The following PCDH9 variants were observed in gnomAD, a reference collection of about 807,000 sequenced individuals.
PCDH9 encodes protocadherin 9.
PCDH9 carries 24 observed loss-of-function variants against 70.6 expected under a neutral mutation model. The observed-to-expected ratio is 0.34, with a 90% confidence interval of 0.25 to 0.48. The LOEUF is 0.48. Ranked by LOEUF, PCDH9 falls within the 20% of genes least tolerant of loss-of-function variation. The pLI, the probability that PCDH9 is intolerant of heterozygous loss-of-function variation, is 0.99. For missense variants in PCDH9, 1,281 were observed against 1,503.6 expected, an observed-to-expected ratio of 0.85 and a Z score of 2.45; for synonymous variants, 562 against 558.5, an observed-to-expected ratio of 1.01 and a Z score of -0.09.
At chr13:66,305,822 G>A (rs1955455146) in intron 4 of PCDH9, among the ~76,000 whole-genome samples, 1 of 152,036 alleles carries the variant, frequency 6.6e-6, no homozygotes, top group African/African-American at 2.4e-5. Context: ...CATTCAGGGG[G>A]AAGAAAGTGA....
intron 3 of PCDH9, among the ~76,000 whole-genome samples, chr13:66,752,139 T>C (rs1403442398): frequency 6.6e-6 from 1 of 152,150 alleles, no homozygotes; most frequent in Admixed American, 6.5e-5. Flanking sequence ...GTCTCAAGCA[T>C]CTTGGCTTTT....
chr13:66,732,159 T>C (rs1180528009), intron 3 of PCDH9, among the ~76,000 whole-genome samples: 2 of 152,054 alleles, frequency 1.3e-5, no homozygotes, highest in African/African-American at 4.8e-5. Flanking sequence ...AATAGTTGTA[T>C]GTATTCTTGG....
intron 2 of PCDH9, among the ~76,000 whole-genome samples, chr13:67,134,111 T>C (rs2087173537): frequency 6.6e-6 from 1 of 152,082 alleles, no homozygotes; most frequent in Non-Finnish European, 1.5e-5. Flanking sequence ...AATAAAATCC[T>C]CTAAGATTGC....
intron 4 of PCDH9, among the ~76,000 whole-genome samples, chr13:66,551,854 G>A (rs78644303): frequency 0.016 from 2,389 of 152,114 alleles, 40 homozygotes; most frequent in Non-Finnish European, 0.024. Context: ...CCAAATAACC[G>A]ATATTTGCTT....
chr13:67,070,541 G>A (rs1368475591), intron 2 of PCDH9, among the ~76,000 whole-genome samples: 1 of 152,116 alleles, frequency 6.6e-6, no homozygotes, highest in East Asian at 1.9e-4. Flanking sequence ...TCTACCTGCT[G>A]TGTTTGTTTA....
intron 4 of PCDH9, among the ~76,000 whole-genome samples, chr13:66,461,355 A>T (rs267312): frequency 6.6e-6 from 1 of 151,820 alleles, no homozygotes; most frequent in African/African-American, 2.4e-5. Flanking sequence ...GGGACACTAT[A>T]CATTTCTATT....
At chr13:66,356,242 A>G (rs1258803416) in intron 4 of PCDH9, among the ~76,000 whole-genome samples, 1 of 152,184 alleles carries the variant, frequency 6.6e-6, no homozygotes, top group Non-Finnish European at 1.5e-5. Flanking sequence ...AAAATCATAT[A>G]AAATGGAATG....
At chr13:66,761,486 T>G (rs1468480800) in intron 3 of PCDH9, among the ~76,000 whole-genome samples, 2 of 152,282 alleles carry the variant, frequency 1.3e-5, no homozygotes, top group Admixed American at 6.5e-5. Flanking sequence ...CACTTGAAAT[T>G]TTTTTCTTCT....
At chr13:66,488,438 C>T (rs1308091552) in intron 4 of PCDH9, among the ~76,000 whole-genome samples, 2 of 151,952 alleles carry the variant, frequency 1.3e-5, no homozygotes, top group African/African-American at 4.8e-5. Flanking sequence ...TATTACAAAG[C>T]CCAGGGAAAA....
rs575851440 is a variant in PCDH9, at chr13:66,687,130, T to A, written c.3139-55719A>T. ...TTAAGCATAAGTTATTCCTGTGTGA[T>A]AATCACAAGCTCCAATAAGCCAAGT... is the stretch of plus-strand genomic sequence containing the variant. On this transcript the variant is annotated intron_variant, in intron 3 of 4. Transcript: ENST00000377865. Among the ~76,000 whole-genome samples, 57 of 152,308 alleles carry A rather than the reference T, an allele frequency of 3.7e-4. 1 individual carries two copies. Among genetic ancestry groups the A allele is most frequent in the African/African-American group, 1.4e-3 (57 of 41,584 alleles).
At chr13:66,626,952 TGTG>T (rs2077507384) in intron 4 of PCDH9, among the ~76,000 whole-genome samples, 2 of 1,258 alleles carry the variant, frequency 1.6e-3, no homozygotes, top group Non-Finnish European at 0.043. Flanking sequence ...CAAATGCCAC[TGTG>T]TGTGTGTGTG....
intron 2 of PCDH9, among the ~76,000 whole-genome samples, chr13:67,075,267 G>T (rs1280107388): frequency 1.3e-5 from 2 of 151,894 alleles, no homozygotes; most frequent in Non-Finnish European, 2.9e-5. Flanking sequence ...TGAGGAACAG[G>T]ATTATTATTC....
chr13:66,938,712 A>G (rs1233838905), intron 2 of PCDH9, among the ~76,000 whole-genome samples: 1 of 152,212 alleles, frequency 6.6e-6, no homozygotes, highest in African/African-American at 2.4e-5. Context: ...GCCCATCACC[A>G]TAACATCACT....
At chr13:67,152,535 C>A (rs184546793) in intron 2 of PCDH9, among the ~76,000 whole-genome samples, 1 of 152,170 alleles carries the variant, frequency 6.6e-6, no homozygotes, top group African/African-American at 2.4e-5. Context: ...CTCATTAAAT[C>A]GAATCCCCTT....
chr13:66,571,638 T>C (rs1024358073), intron 4 of PCDH9, among the ~76,000 whole-genome samples: 1 of 152,050 alleles, frequency 6.6e-6, no homozygotes, highest in Non-Finnish European at 1.5e-5. Flanking sequence ...TAAAAGACTG[T>C]TGTTTTTGTA....
intron 2 of PCDH9, among the ~76,000 whole-genome samples, chr13:66,926,703 A>T (rs12427700): frequency 0.36 from 54,468 of 151,932 alleles, 9,974 homozygotes; most frequent in African/African-American, 0.41. Flanking sequence ...GGTACTCAGA[A>T]CAGCATTTTG....
intron 2 of PCDH9, among the ~76,000 whole-genome samples, chr13:67,133,959 A>T (rs1353065335): frequency 6.6e-6 from 1 of 152,108 alleles, no homozygotes; most frequent in Admixed American, 6.6e-5. Context: ...AAAAACATAG[A>T]ACTGAAAGTT....
intron 2 of PCDH9, among the ~76,000 whole-genome samples, chr13:67,195,039 T>C (rs966086244): frequency 1.3e-5 from 2 of 152,174 alleles, no homozygotes; most frequent in Non-Finnish European, 1.5e-5. Flanking sequence ...GAAATTTCCG[T>C]AAGAGGATGT....
intron 3 of PCDH9, among the ~76,000 whole-genome samples, chr13:66,790,962 A>T (rs938052123): frequency 6.6e-6 from 1 of 152,144 alleles, no homozygotes; most frequent in Non-Finnish European, 1.5e-5. Context: ...AACACAGAAA[A>T]GTTAATACTC....
Sources: gnomAD v4.1 joint callset for allele counts (sites outside exome capture counted in the v4.1 genomes callset) on GRCh38, gnomAD v4.1.1 for gene constraint, MANE v1.5 for transcripts, NCBI Gene and HGNC (gene_info 2026-07-23, HGNC 2026-07-21) for gene names.